NBAS: variants seen among roughly 807,000 people sequenced by gnomAD.
The protein encoded by NBAS is NAG/BC035112 fusion.
A neutral mutation model predicts 302.5 loss-of-function variants in NBAS; 219 were observed. That is an observed-to-expected ratio of 0.72 (90% CI 0.65 to 0.81). The LOEUF is 0.81. Ranked by LOEUF, NBAS falls within the 30% of genes least tolerant of loss-of-function variation. The pLI is 0.00. For synonymous variants in NBAS, 1,118 were observed against 1,021.6 expected, an observed-to-expected ratio of 1.09 and a Z score of -1.80; for missense variants, 2,932 against 2,841.6, an observed-to-expected ratio of 1.03 and a Z score of -0.72.
chr2:14,806,761 G>A, the NBAS span, among the ~76,000 whole-genome samples: 1 of 152,238 alleles, frequency 6.6e-6, no homozygotes, highest in African/African-American at 2.4e-5. Context: ...TCGGTTGGCA[G>A]GAAGGAATGG....
At chr2:15,285,968 CT>C (rs1357944330) in intron 42 of NBAS, among the ~76,000 whole-genome samples, 1 of 152,164 alleles carries the variant, frequency 6.6e-6, no homozygotes. Context: ...CCTCTCTTGC[CT>C]TTTCCTCACA....
the NBAS span, among the ~76,000 whole-genome samples, chr2:14,956,110 C>T: frequency 4.6e-5 from 7 of 152,182 alleles, no homozygotes; most frequent in Non-Finnish European, 8.8e-5. Flanking sequence ...CAAAGTTCCA[C>T]AGATCTCTAG....
the NBAS span, among the ~76,000 whole-genome samples, chr2:15,015,690 T>C: frequency 3.9e-5 from 6 of 152,186 alleles, no homozygotes; most frequent in Non-Finnish European, 5.9e-5. Context: ...TCATGCTTGA[T>C]AGGGAAAAGC....
chr2:15,120,545 G>T, the NBAS span, among the ~76,000 whole-genome samples: 1 of 151,994 alleles, frequency 6.6e-6, no homozygotes, highest in Non-Finnish European at 1.5e-5. Context: ...ATTCAGCAGG[G>T]TTTATGGCTC....
At chr2:15,547,791 C>T (rs573323076) in intron 6 of NBAS, among the ~76,000 whole-genome samples, 1 of 152,256 alleles carries the variant, frequency 6.6e-6, no homozygotes, top group East Asian at 1.9e-4. Flanking sequence ...ACTTCTTGAC[C>T]TTTACATATT....
At chr2:15,291,592 C>T (rs1217554660) in intron 41 of NBAS, among the ~76,000 whole-genome samples, 2 of 152,172 alleles carry the variant, frequency 1.3e-5, no homozygotes, top group African/African-American at 2.4e-5. Flanking sequence ...CCAAGGTCTC[C>T]GCCTGGGCCT....
chr2:14,843,317 C>T, the NBAS span, among the ~76,000 whole-genome samples: 1,692 of 152,106 alleles, frequency 0.011, 39 homozygotes, highest in African/African-American at 0.039. Context: ...GTCCTGGCTA[C>T]AGCAATTAGG....
chr2:15,539,615 G>A (rs933626064), intron 6 of NBAS, among the ~76,000 whole-genome samples: 2 of 152,120 alleles, frequency 1.3e-5, no homozygotes, highest in Non-Finnish European at 2.9e-5. Flanking sequence ...GATGAATGCT[G>A]AGCATCCCCT....
chr2:15,008,629 G>A, the NBAS span, among the ~76,000 whole-genome samples: 1 of 152,108 alleles, frequency 6.6e-6, no homozygotes, highest in African/African-American at 2.4e-5. Flanking sequence ...GGGGCTACTT[G>A]CTTACCTGTG....
chr2:14,853,939 G>A, the NBAS span, among the ~76,000 whole-genome samples: 1 of 111,378 alleles, frequency 9.0e-6, no homozygotes, highest in Non-Finnish European at 1.8e-5. Context: ...GGGGGAGGGG[G>A]GAGGGATAGC....
chr2:15,133,510 T>C, the NBAS span, among the ~76,000 whole-genome samples: 2 of 152,162 alleles, frequency 1.3e-5, no homozygotes, highest in Admixed American at 6.5e-5. Flanking sequence ...AGCAATCTAG[T>C]AACTTGGCTG....
At chr2:15,089,615 A>T in the NBAS span, among the ~76,000 whole-genome samples, 9 of 152,152 alleles carry the variant, frequency 5.9e-5, no homozygotes, top group African/African-American at 1.9e-4. Context: ...GAGTGGAATG[A>T]GAGCAGCTCC....
At chr2:15,118,939 T>A in the NBAS span, among the ~76,000 whole-genome samples, 6 of 152,188 alleles carry the variant, frequency 3.9e-5, no homozygotes, top group Non-Finnish European at 7.3e-5. Flanking sequence ...TAACGCAGTG[T>A]GAGTTAAACA....
the NBAS span, among the ~76,000 whole-genome samples, chr2:15,059,393 G>A: frequency 1.3e-5 from 2 of 152,016 alleles, no homozygotes; most frequent in Non-Finnish European, 2.9e-5. Context: ...TGAATTATAA[G>A]GTTTCTTAAC....
chr2:15,475,952 T>C (rs1680175105), intron 13 of NBAS, 72 bp from the exon 14 acceptor site: 1 of 1,207,232 alleles, frequency 8.3e-7, no homozygotes, highest in Non-Finnish European at 1.2e-6. Flanking sequence ...TTTAGTATAA[T>C]AATCAATTTT....
At chr2:15,378,801 C>T (rs543032434) in intron 30 of NBAS, among the ~76,000 whole-genome samples, 25 of 152,034 alleles carry the variant, frequency 1.6e-4, no homozygotes, top group African/African-American at 6.0e-4. Context: ...GAAGTTGAAC[C>T]GTCTTAAGTT....
the NBAS span, among the ~76,000 whole-genome samples, chr2:14,950,052 G>A: frequency 3.3e-5 from 5 of 152,152 alleles, no homozygotes; most frequent in Non-Finnish European, 7.4e-5. Context: ...GGTACAGGTG[G>A]TATCTAGTTA....
At chr2:14,847,168 G>T in the NBAS span, among the ~76,000 whole-genome samples, 1 of 151,966 alleles carries the variant, frequency 6.6e-6, no homozygotes, top group Non-Finnish European at 1.5e-5. Context: ...TAGATCACGA[G>T]GTCAGGAGAT....
chr2:14,811,489 C>A, the NBAS span, among the ~76,000 whole-genome samples: 1 of 152,094 alleles, frequency 6.6e-6, no homozygotes, highest in Non-Finnish European at 1.5e-5. Flanking sequence ...CCTCTCCATT[C>A]CAAAGGATAT....
Sources: allele counts gnomAD v4.1 joint callset (sites outside exome capture counted in the v4.1 genomes callset), GRCh38; gene constraint gnomAD v4.1.1; transcripts MANE v1.5; gene names NCBI Gene and HGNC (gene_info 2026-07-23, HGNC 2026-07-21).